The following KYNU variants were observed in gnomAD, a reference collection of about 807,000 sequenced individuals.
KYNU encodes L-kynurenine hydrolase.
KYNU carries 54 observed loss-of-function variants against 59.2 expected under a neutral mutation model. The observed-to-expected ratio is 0.91, with a 90% CI of 0.73 to 1.14. The LOEUF is 1.14. KYNU is among the 50% of genes most tolerant of loss of function. The probability of loss-of-function intolerance (pLI) is 0.00; values close to 1 mark genes in which losing one functional copy is unlikely to be tolerated. For synonymous variants in KYNU, 177 were observed against 192.0 expected (o/e 0.92, Z 0.65); for missense variants, 567 against 554.4 (o/e 1.02, Z -0.23).
At chr2:142,930,695 A>T (rs184306726) in intron 4 of KYNU, among the ~76,000 whole-genome samples, 5 of 152,250 alleles carry the variant, frequency 3.3e-5, no homozygotes, top group Admixed American at 2.6e-4. Flanking sequence ...GCTCTACCAT[A>T]TCAAGCCCTC....
Position 143,052,324 on chromosome 2 carries a change from A to T in KYNU, c.*10152A>T, listed in dbSNP as rs1363649244. On this transcript the variant is annotated 3_prime_UTR_variant, in exon 14 of 14. Transcript: ENST00000264170. ...ACAATGCAGTAGAAAAGGAAAACCA[A>T]TTTTCTGAGGAGAAATTTAAGCTGG... 1 of 152,238 alleles carries T rather than the reference A, an allele frequency of 6.6e-6. No individual in the cohort carries two copies. Among genetic ancestry groups the T allele is most frequent in the South Asian group, 2.1e-4 (1 of 4,830 alleles). 9.4% of individuals were successfully genotyped at this position (152,238 alleles called of 1,614,324 possible).
chr2:143,018,670 G>GA (rs1337098211), intron 10 of KYNU, among the ~76,000 whole-genome samples: 2 of 151,794 alleles, frequency 1.3e-5, no homozygotes, highest in Non-Finnish European at 2.9e-5. Flanking sequence ...CTAGTTCTGT[G>GA]AAAAAATAAT....
chr2:142,972,296 C>G (rs1684748497), intron 8 of KYNU, among the ~76,000 whole-genome samples: 1 of 152,080 alleles, frequency 6.6e-6, no homozygotes, highest in African/African-American at 2.4e-5. Context: ...TTCTTCCAAA[C>G]CCTTTACTCT....
intron 10 of KYNU, among the ~76,000 whole-genome samples, chr2:142,996,111 T>C (rs1427652885): frequency 6.6e-6 from 1 of 152,084 alleles, no homozygotes; most frequent in African/African-American, 2.4e-5. Context: ...TATGAACCCA[T>C]GCAGCCGTGC....
intron 4 of KYNU, among the ~76,000 whole-genome samples, chr2:142,933,247 C>T (rs1683285991): frequency 6.6e-6 from 1 of 152,120 alleles, no homozygotes; most frequent in Non-Finnish European, 1.5e-5. Context: ...GTCCTTTAGA[C>T]TGGGTTAGAA....
At chr2:142,934,741 C>T (rs994242547) in intron 4 of KYNU, among the ~76,000 whole-genome samples, 5 of 152,142 alleles carry the variant, frequency 3.3e-5, no homozygotes, top group Non-Finnish European at 5.9e-5. Context: ...TTCAGGGCAC[C>T]GTCACTCTTC....
At chr2:142,989,007 A>C in intron 10 of KYNU, 1 of 816,592 alleles carries the variant, frequency 1.2e-6, no homozygotes, top group Non-Finnish European at 2.0e-6. Flanking sequence ...TATTCACCTG[A>C]AAATCAAATA....
At chr2:142,987,234 T>A (rs1685233233) in intron 10 of KYNU, among the ~76,000 whole-genome samples, 1 of 151,832 alleles carries the variant, frequency 6.6e-6, no homozygotes. Flanking sequence ...CATTTCTCAG[T>A]CTCCATTTAT....
intron 10 of KYNU, among the ~76,000 whole-genome samples, chr2:143,001,232 A>G (rs908552553): frequency 2.6e-5 from 4 of 152,040 alleles, no homozygotes; most frequent in Non-Finnish European, 1.5e-5. Context: ...GCCTACCACA[A>G]TTCCATTGAA....
chr2:143,017,124 A>G (rs1015596375), intron 10 of KYNU, among the ~76,000 whole-genome samples: 1 of 152,092 alleles, frequency 6.6e-6, no homozygotes, highest in African/African-American at 2.4e-5. Context: ...GTGTATATGT[A>G]CCATATTTGT....
At chr2:143,021,504 C>T (rs1686406461) in intron 10 of KYNU, among the ~76,000 whole-genome samples, 1 of 152,022 alleles carries the variant, frequency 6.6e-6, no homozygotes, top group South Asian at 2.1e-4. Flanking sequence ...GCAGGTTGTA[C>T]AGGAAGCATG....
In KYNU at chr2:142,963,382, A is replaced by G. The variant is rs556328292; in HGVS notation, c.729+2612A>G. 1.2e-4 allele frequency among the ~76,000 whole-genome samples: 19 copies of G among 152,258 alleles called. No homozygotes were observed. In the East Asian group the frequency reaches 3.1e-3, roughly 25 times the overall value. On this transcript the variant is annotated intron_variant, in intron 8 of 13. Transcript: ENST00000264170. ...AACTGGGTAATTTAAAAACAACATA[A>G]ATATATTGCTCACAGTTCTGGAGGC...
At chr2:142,921,908 TCTCA>T (rs1479181382) in intron 3 of KYNU, among the ~76,000 whole-genome samples, 2 of 152,186 alleles carry the variant, frequency 1.3e-5, no homozygotes, top group African/African-American at 2.4e-5. Flanking sequence ...CAGTTTTCAT[TCTCA>T]CTGTTGCCTT....
chr2:142,972,266 A>G (rs1285200728), intron 8 of KYNU, among the ~76,000 whole-genome samples: 1 of 152,172 alleles, frequency 6.6e-6, no homozygotes. Flanking sequence ...TTAGGGGCTC[A>G]GGATTGGTTT....
chr2:142,917,664 T>C (rs536011872), intron 2 of KYNU, among the ~76,000 whole-genome samples: 3 of 152,256 alleles, frequency 2.0e-5, no homozygotes, highest in African/African-American at 4.8e-5. Flanking sequence ...CAGGAAATAA[T>C]GGATACCTTA....
rs57769728 is a variant in KYNU at position 142,941,292 on chromosome 2, G to A, written c.374-13518G>A. On this transcript the variant is annotated intron_variant, in intron 4 of 13. Transcript: ENST00000264170. The stretch of plus-strand genomic sequence containing the variant: ...TACTTTTACCACTTGGAATATCCAA[G>A]GGTTTTAGCAGCCCTGTACCCTGAA... Among the ~76,000 whole-genome samples the A allele has an allele frequency of 2.6e-3, 397 of 152,272 alleles. 1 individual carries two copies. Among genetic ancestry groups the A allele is most frequent in the African/African-American group, 9.1e-3 (378 of 41,554 alleles).
chr2:142,927,385 A>G (rs1683077351), intron 3 of KYNU, among the ~76,000 whole-genome samples: 1 of 152,196 alleles, frequency 6.6e-6, no homozygotes, highest in Non-Finnish European at 1.5e-5. Flanking sequence ...GACCAAAAAA[A>G]TTAGACTCTA....
chr2:142,892,573 G>C (rs1474926594), intron 2 of KYNU, among the ~76,000 whole-genome samples: 1 of 152,218 alleles, frequency 6.6e-6, no homozygotes, highest in Non-Finnish European at 1.5e-5. Flanking sequence ...GAGTAAATGA[G>C]TGCGTGTGGG....
At position 143,047,760 on chromosome 2, in the gene KYNU, T is replaced by G. The variant is rs1687189772; in HGVS notation, c.*5588T>G. On this transcript the variant is annotated 3_prime_UTR_variant, in exon 14 of 14. Transcript: ENST00000264170. The stretch of plus-strand genomic sequence containing the variant: ...TTTTTTTGTAGATTCAGAGTCTTGC[T>G]ATGTTGCCCAGGCTAATCTCAAACT... 6.6e-6 allele frequency: 1 copy of G among 152,460 alleles called. No individual in the cohort carries two copies. The highest frequency in any genetic ancestry group is 1.5e-5 in the Non-Finnish European group (1 of 68,548). The allele number at this position is 152,460 out of a possible 1,614,324, so 9.4% of individuals were successfully genotyped here.
Sources: allele counts gnomAD v4.1 joint callset (sites outside exome capture counted in the v4.1 genomes callset), GRCh38; gene constraint gnomAD v4.1.1; transcripts MANE v1.5; gene names NCBI Gene and HGNC (gene_info 2026-07-23, HGNC 2026-07-21).